Variants in IRAG1 observed in about 807,000 individuals in gnomAD.
IRAG1 encodes inositol 1,4,5-triphosphate receptor associated 1.
In IRAG1, 62 loss-of-function variants were observed where a neutral mutation model predicts 106.2. The ratio of observed to expected loss-of-function variants is 0.58; its 90% CI spans 0.48 to 0.72. IRAG1 has a LOEUF of 0.72. IRAG1 is among the 30% of genes least tolerant of loss of function. The probability of loss-of-function intolerance (pLI) is 0.00; values close to 1 mark genes in which losing one functional copy is unlikely to be tolerated. For synonymous variants in IRAG1, 462 were observed against 443.9 expected, an observed-to-expected ratio of 1.04 and a Z score of -0.51; for missense variants, 1,064 against 1,140.7, an observed-to-expected ratio of 0.93 and a Z score of 0.97.
intron 4 of IRAG1, among the ~76,000 whole-genome samples, chr11:10,631,226 G>A (rs1321282938): frequency 6.6e-6 from 1 of 152,150 alleles, no homozygotes; most frequent in African/African-American, 2.4e-5. Flanking sequence ...AGTTTGAGTT[G>A]GGTTTCTATC....
intron 13 of IRAG1, 70 bp from the exon 14 acceptor site, chr11:10,603,321 C>A: frequency 1.9e-6 from 3 of 1,560,554 alleles, no homozygotes; most frequent in South Asian, 1.2e-5. Context: ...AGTCCCCAAC[C>A]TTTTCGGCCT....
intron 2 of IRAG1, among the ~76,000 whole-genome samples, chr11:10,646,662 C>T (rs1466146172): frequency 2.6e-5 from 4 of 152,170 alleles, no homozygotes; most frequent in Non-Finnish European, 4.4e-5. Flanking sequence ...GCAGATGCCA[C>T]TCATCAGTGG....
intron 1 of IRAG1, among the ~76,000 whole-genome samples, chr11:10,682,526 G>A (rs573820959): frequency 6.6e-6 from 1 of 152,284 alleles, no homozygotes; most frequent in South Asian, 2.1e-4. Flanking sequence ...TAAGGTCTGT[G>A]AACCCCAGAC....
chr11:10,632,791 C>A lies in IRAG1; in HGVS notation c.330-730G>T, dbSNP rs145492996. 4.3e-3 allele frequency among the ~76,000 whole-genome samples: 648 copies of A among 152,322 alleles called. 4 individuals carry two copies. The highest frequency in any genetic ancestry group is 0.015 in the African/African-American group (618 of 41,562). ...TGTAGAAGCCTCATAAAATGTAAAT[C>A]ATTGTTGTCTGACAAAGACGCAGAT... On this transcript the variant is annotated intron_variant, in intron 3 of 20. Transcript: ENST00000423302.
chr11:10,688,438 G>A (rs975027272), intron 1 of IRAG1, among the ~76,000 whole-genome samples: 13 of 152,150 alleles, frequency 8.5e-5, no homozygotes, highest in African/African-American at 2.7e-4. Context: ...CTCCTGATGA[G>A]CCAGGAAGCT....
At chr11:10,669,080 G>A (rs1169920885) in intron 1 of IRAG1, among the ~76,000 whole-genome samples, 1 of 152,130 alleles carries the variant, frequency 6.6e-6, no homozygotes, top group African/African-American at 2.4e-5. Context: ...ATGGTCTAAT[G>A]GTCCCCATGG....
At chr11:10,684,167 T>C (rs1383083394) in intron 1 of IRAG1, among the ~76,000 whole-genome samples, 2 of 152,208 alleles carry the variant, frequency 1.3e-5, no homozygotes, top group African/African-American at 2.4e-5. Context: ...CGTATGTTTA[T>C]TGCGGCACTA....
At chr11:10,593,970 G>A in intron 16 of IRAG1, 176 bp downstream of exon 16, 1 of 634,772 alleles carries the variant, frequency 1.6e-6, no homozygotes, top group Admixed American at 2.9e-5. Context: ...AGGAAACCAT[G>A]AGCAAGAAAG....
At position 10,693,711 on chromosome 11, in the gene IRAG1, G is replaced by T; in HGVS notation, c.-109C>A. 7.7e-7 allele frequency: 1 copy of T among 1,301,834 alleles called. No homozygotes were observed. Among genetic ancestry groups the T allele is most frequent in the Non-Finnish European group, 1.1e-6 (1 of 947,948 alleles). The allele number at this position is 1,301,834 out of a possible 1,614,324, so 80.6% of individuals were successfully genotyped here. A position where few individuals can be genotyped will look rare whatever the true frequency, so the allele number is the denominator to read the frequency against. On this transcript the variant is annotated 5_prime_UTR_variant, in exon 1 of 21. Coordinates refer to ENST00000423302, the MANE Select transcript of IRAG1 (RefSeq NM_130385.4). ...GAGGGGCTGGGACTTAGAGCCGAGA[G>T]CTCCTCTGGGAGCCCCACTCCGGCC...
intron 1 of IRAG1, among the ~76,000 whole-genome samples, chr11:10,678,810 A>G (rs1361802934): frequency 6.6e-6 from 1 of 152,148 alleles, no homozygotes; most frequent in Non-Finnish European, 1.5e-5. Flanking sequence ...TTCTGCCTGT[A>G]CCAAACAGAC....
At chr11:10,648,092 G>A (rs751574841) in intron 2 of IRAG1, among the ~76,000 whole-genome samples, 2 of 152,118 alleles carry the variant, frequency 1.3e-5, no homozygotes, top group African/African-American at 2.4e-5. Flanking sequence ...CCCTGGGCCC[G>A]GTGGCTCACG....
At position 10,575,982 on chromosome 11, in the gene IRAG1, T is replaced by C. The variant is rs1850792552; in HGVS notation, c.*350A>G. Reference sequence around the variant, plus strand: ...AAGTTTTTTACTGCCCCCTACCTCCTCCTCCCCCGTGCCCCGCTCCTTACC... The same window carrying C: ...AAGTTTTTTACTGCCCCCTACCTCCCCCTCCCCCGTGCCCCGCTCCTTACC... On this transcript the variant is annotated 3_prime_UTR_variant, in exon 21 of 21. Transcript: ENST00000423302. 1 of 258,486 alleles carries C rather than the reference T, an allele frequency of 3.9e-6. No homozygotes were observed. The highest frequency in any genetic ancestry group is 7.6e-6 in the Non-Finnish European group (1 of 131,554). 16.0% of individuals were successfully genotyped at this position (258,486 alleles called of 1,614,324 possible).
intron 18 of IRAG1, among the ~76,000 whole-genome samples, chr11:10,585,802 G>C (rs1199133892): frequency 6.6e-6 from 1 of 152,148 alleles, no homozygotes; most frequent in Non-Finnish European, 1.5e-5. Flanking sequence ...AGCTCAGGTT[G>C]ATTAAGTGAC....
At chr11:10,599,844 C>T (rs1263449207) in intron 15 of IRAG1, 2 of 152,160 alleles carry the variant, frequency 1.3e-5, no homozygotes, top group East Asian at 3.8e-4. Flanking sequence ...CTCTCTTTAC[C>T]TCAGCTTTTG....
In IRAG1 at chr11:10,677,671, C is replaced by A. The variant is rs138977898; in HGVS notation, c.67+15865G>T. Among the ~76,000 whole-genome samples, 7 of 152,306 alleles carry A rather than the reference C, an allele frequency of 4.6e-5. No homozygotes were observed. In the East Asian group the frequency reaches 1.3e-3, roughly 29 times the overall value. On this transcript the variant is annotated intron_variant, in intron 1 of 20. Coordinates refer to ENST00000423302, the MANE Select transcript of IRAG1 (RefSeq NM_130385.4). Reference sequence around the variant, plus strand: ...TTTAACCATTTTGAAGTGTACAATTCAGTGGCATTAAGCACATTCACAATG... The same window carrying A: ...TTTAACCATTTTGAAGTGTACAATTAAGTGGCATTAAGCACATTCACAATG...
At chr11:10,582,420 G>T (rs1049470709) in intron 18 of IRAG1, among the ~76,000 whole-genome samples, 2 of 151,976 alleles carry the variant, frequency 1.3e-5, no homozygotes, top group African/African-American at 4.8e-5. Flanking sequence ...TGTGCTGGGG[G>T]CACATTAGAA....
intron 12 of IRAG1, 149 bp from the exon 13 acceptor site, chr11:10,604,694 C>T (rs1854331574): frequency 8.2e-6 from 8 of 971,350 alleles, no homozygotes; most frequent in Non-Finnish European, 1.2e-5. Context: ...GAAACGCTCA[C>T]TTCACAGGAA....
chr11:10,614,459 A>G (rs1478411153), intron 10 of IRAG1, among the ~76,000 whole-genome samples: 2 of 152,236 alleles, frequency 1.3e-5, no homozygotes, highest in Admixed American at 1.3e-4. Flanking sequence ...TTCATGTGGA[A>G]CCGAAAAAGA....
At chr11:10,619,919 G>A (rs537835574) in intron 10 of IRAG1, among the ~76,000 whole-genome samples, 1 of 152,124 alleles carries the variant, frequency 6.6e-6, no homozygotes, top group Non-Finnish European at 1.5e-5. Context: ...GCTTATAGGA[G>A]TCACATTCAT....
Sources: allele counts gnomAD v4.1 joint callset (sites outside exome capture counted in the v4.1 genomes callset), GRCh38; gene constraint gnomAD v4.1.1; transcripts MANE v1.5; gene names NCBI Gene and HGNC (gene_info 2026-07-23, HGNC 2026-07-21).